Variants in TBL1XR1 observed in about 807,000 individuals in gnomAD.
TBL1XR1 encodes the protein TBL1X/Y related 1, also known as F-box-like/WD repeat-containing protein TBL1XR1.
TBL1XR1 carries 5 observed loss-of-function variants against 66.9 expected under a neutral mutation model. The ratio of observed to expected loss-of-function variants is 0.07; its 90% CI spans 0.04 to 0.16. The LOEUF is 0.16. TBL1XR1 is among the 10% of genes least tolerant of loss of function. The probability of loss-of-function intolerance (pLI) is 1.00; values close to 1 mark genes in which losing one functional copy is unlikely to be tolerated. For synonymous variants in TBL1XR1, 210 were observed against 206.0 expected (o/e 1.02, Z -0.17); for missense variants, 238 against 623.2 (o/e 0.38, Z 6.58).
intron 10 of TBL1XR1, among the ~76,000 whole-genome samples, chr3:177,038,898 G>A (rs1715184721): frequency 6.6e-6 from 1 of 152,100 alleles, no homozygotes; most frequent in Admixed American, 6.6e-5. Context: ...ACATGCAAGT[G>A]TTACCCTCAC....
intron 1 of TBL1XR1, among the ~76,000 whole-genome samples, chr3:177,104,844 T>C (rs568174889): frequency 2.7e-4 from 41 of 152,210 alleles, no homozygotes; most frequent in Non-Finnish European, 5.4e-4. Flanking sequence ...AAATAAACTA[T>C]TGTGCAAGAA....
At chr3:177,080,888 T>A (rs950956293) in intron 2 of TBL1XR1, among the ~76,000 whole-genome samples, 2 of 152,240 alleles carry the variant, frequency 1.3e-5, no homozygotes, top group Non-Finnish European at 1.5e-5. Context: ...TGTTCCTTTA[T>A]ACTTCATTGC....
chr3:177,085,557 C>A (rs993894305), intron 2 of TBL1XR1, among the ~76,000 whole-genome samples: 13 of 151,996 alleles, frequency 8.6e-5, no homozygotes, highest in African/African-American at 3.1e-4. Context: ...ACAGGAAACA[C>A]AAGTTCTCAG....
chr3:177,019,969 A>G lies in TBL1XR1; in HGVS notation c.*5529T>C, dbSNP rs1293232853. 6.7e-6 allele frequency: 1 copy of G among 149,058 alleles called. No homozygotes were observed. The highest frequency in any genetic ancestry group is 1.5e-5 in the Non-Finnish European group (1 of 67,420). The allele number at this position is 149,058 out of a possible 1,614,324, so 9.2% of individuals were successfully genotyped here. On this transcript the variant is annotated 3_prime_UTR_variant, in exon 16 of 16. Transcript: ENST00000457928. The stretch of plus-strand genomic sequence containing the variant: ...AATAAACAGGAAAAATAGAAGACCT[A>G]GAGAGTGTAAATTCTTAAAAAAAAA...
At chr3:177,142,996 T>G (rs56207555) in intron 1 of TBL1XR1, among the ~76,000 whole-genome samples, 6,415 of 151,874 alleles carry the variant, frequency 0.042, 213 homozygotes, top group Middle Eastern at 0.17. Context: ...AGTGCCACGT[T>G]TTTGCATGTT....
chr3:177,194,454 T>C (rs1197233213), intron 1 of TBL1XR1, among the ~76,000 whole-genome samples: 9 of 152,236 alleles, frequency 5.9e-5, no homozygotes, highest in Admixed American at 5.9e-4. Context: ...ATTCTTTTTA[T>C]ATAAATGACA....
intron 2 of TBL1XR1, among the ~76,000 whole-genome samples, chr3:177,097,652 A>G (rs968866818): frequency 1.9e-4 from 29 of 152,236 alleles, no homozygotes; most frequent in African/African-American, 6.8e-4. Context: ...TCTCCTTAAA[A>G]TGATTAATTA....
At chr3:177,181,601 A>T (rs1734830374) in intron 1 of TBL1XR1, among the ~76,000 whole-genome samples, 1 of 99,902 alleles carries the variant, frequency 1.0e-5, no homozygotes, top group Admixed American at 9.8e-5. Context: ...GGAGAGGAGG[A>T]GGTCGGAAGA....
At chr3:177,038,269 C>A in intron 11 of TBL1XR1, 44 bp downstream of exon 11, 4 of 1,594,494 alleles carry the variant, frequency 2.5e-6, no homozygotes, top group Non-Finnish European at 3.4e-6. Flanking sequence ...TGAAACATTA[C>A]TTGTTAATCA....
intron 12 of TBL1XR1, among the ~76,000 whole-genome samples, chr3:177,035,714 G>A (rs1224020708): frequency 1.3e-5 from 2 of 152,098 alleles, no homozygotes; most frequent in African/African-American, 2.4e-5. Flanking sequence ...GCAACATGGG[G>A]GCACTAGCTG....
intron 2 of TBL1XR1, among the ~76,000 whole-genome samples, chr3:177,093,952 C>G (rs62298938): frequency 0.064 from 9,669 of 152,120 alleles, 414 homozygotes; most frequent in South Asian, 0.17. Context: ...GCAAATGCAA[C>G]AAAAACAAAG....
At chr3:177,028,637 G>A (rs145162285) in intron 14 of TBL1XR1, among the ~76,000 whole-genome samples, 53 of 152,226 alleles carry the variant, frequency 3.5e-4, no homozygotes, top group African/African-American at 1.2e-3. Context: ...GAGGTATAAC[G>A]TATTTATGGG....
intron 1 of TBL1XR1, among the ~76,000 whole-genome samples, chr3:177,106,542 G>C (rs550175432): frequency 7.4e-4 from 112 of 152,306 alleles, no homozygotes; most frequent in Non-Finnish European, 7.5e-4. Flanking sequence ...GAGCCACACA[G>C]GTGGGTTTGG....
At position 177,024,401 on chromosome 3, in the gene TBL1XR1, A is replaced by G. The variant is rs1291228881; in HGVS notation, c.*1097T>C. 2 of 152,700 alleles carry G rather than the reference A, an allele frequency of 1.3e-5. No individual in the cohort carries two copies. The highest frequency in any genetic ancestry group is 1.3e-4 in the Admixed American group (2 of 15,284). 9.5% of individuals were successfully genotyped at this position (152,700 alleles called of 1,614,324 possible). On this transcript the variant is annotated 3_prime_UTR_variant, in exon 16 of 16. Transcript: ENST00000457928. ...TAATACTGGAGTTTGGTTACATTACATATTTAAGCTTCTACACAGAATGAT... is the reference window on the plus strand; with the variant it reads ...TAATACTGGAGTTTGGTTACATTACGTATTTAAGCTTCTACACAGAATGAT...
chr3:177,087,217 CTTT>C (rs1263893849), intron 2 of TBL1XR1, among the ~76,000 whole-genome samples: 1 of 120,264 alleles, frequency 8.3e-6, no homozygotes, highest in Non-Finnish European at 1.8e-5. Flanking sequence ...TTTTTACTTA[CTTT>C]TTTATTTAAA....
At chr3:177,189,933 C>A (rs1286413041) in intron 1 of TBL1XR1, among the ~76,000 whole-genome samples, 1 of 151,906 alleles carries the variant, frequency 6.6e-6, no homozygotes, top group Non-Finnish European at 1.5e-5. Flanking sequence ...CTTAGGTACA[C>A]TACTAAGGAA....
intron 2 of TBL1XR1, among the ~76,000 whole-genome samples, chr3:177,070,065 G>A (rs746065136): frequency 2.2e-4 from 34 of 152,198 alleles, no homozygotes; most frequent in Middle Eastern, 6.8e-3. Flanking sequence ...TTGATGATAG[G>A]GAACACTGAC....
At chr3:177,122,940 A>G (rs1202590543) in intron 1 of TBL1XR1, among the ~76,000 whole-genome samples, 1 of 152,180 alleles carries the variant, frequency 6.6e-6, no homozygotes, top group Admixed American at 6.5e-5. Context: ...TTCAAGTAAT[A>G]GAACTGTTAA....
intron 1 of TBL1XR1, among the ~76,000 whole-genome samples, chr3:177,123,722 AAAAC>A (rs1175253111): frequency 6.6e-6 from 1 of 152,088 alleles, no homozygotes; most frequent in African/African-American, 2.4e-5. Flanking sequence ...TCCAAACCTT[AAAAC>A]ATATGATTCA....
Sources: gnomAD v4.1 joint callset for allele counts (sites outside exome capture counted in the v4.1 genomes callset) on GRCh38, gnomAD v4.1.1 for gene constraint, MANE v1.5 for transcripts, NCBI Gene and HGNC (gene_info 2026-07-23, HGNC 2026-07-21) for gene names.